PCDHA10: variants seen among roughly 807,000 people sequenced by gnomAD.
The protein encoded by PCDHA10 is protocadherin alpha 10.
PCDHA10 carries 45 observed loss-of-function variants against 61.2 expected under a neutral mutation model. That is an observed-to-expected ratio of 0.74 (90% CI 0.58 to 0.94). The LOEUF (loss-of-function observed/expected upper bound fraction) is 0.94, where lower values mean the gene tolerates loss of function less well. Ranked by LOEUF, PCDHA10 falls within the 40% of genes least tolerant of loss-of-function variation. The pLI is 0.00. For missense variants in PCDHA10, 1,278 were observed against 1,236.2 expected (o/e 1.03, Z -0.51); for synonymous variants, 602 against 548.8 (o/e 1.10, Z -1.35).
intron 3 of PCDHA10, among the ~76,000 whole-genome samples, chr5:141,001,563 C>A (rs531745574): frequency 6.6e-6 from 1 of 152,296 alleles, no homozygotes; most frequent in South Asian, 2.1e-4. Context: ...GACCACGATT[C>A]TCCTGTGTTT....
intron 1 of PCDHA10, among the ~76,000 whole-genome samples, chr5:140,917,197 C>T (rs928492760): frequency 2.6e-5 from 4 of 152,236 alleles, no homozygotes; most frequent in African/African-American, 7.2e-5. Flanking sequence ...TCTCTCCAAC[C>T]CTCTTCAATG....
intron 2 of PCDHA10, among the ~76,000 whole-genome samples, chr5:140,981,687 A>ATCATTCATTCAT (rs200213847): frequency 1.1e-4 from 17 of 151,972 alleles, no homozygotes; most frequent in African/African-American, 4.1e-4. Context: ...CCTCCCTTCC[A>ATCATTCATTCAT]TCATTCATTC....
chr5:140,930,766 T>C (rs1476506441), intron 1 of PCDHA10, among the ~76,000 whole-genome samples: 1 of 152,240 alleles, frequency 6.6e-6, no homozygotes, highest in Admixed American at 6.5e-5. Context: ...AAATTTTCTG[T>C]ACTTAATATT....
chr5:140,875,143 G>A (rs2055292608), intron 1 of PCDHA10, among the ~76,000 whole-genome samples: 1 of 152,174 alleles, frequency 6.6e-6, no homozygotes, highest in Non-Finnish European at 1.5e-5. Context: ...ATTTATAAAT[G>A]ATCCGTGAAA....
rs1486886568 is a variant in PCDHA10, at chr5:140,856,947, A to C, written c.899A>C (p.Glu300Ala). The change falls in exon 1 of 4, where the codon GAA becomes GCA. Residue 300 changes from glutamate to alanine, a missense_variant. Physicochemically the swap from Glu to Ala is moderately radical, Grantham distance 107. Transcript: ENST00000307360. ...RKFWINERTG[E>A]IKVNDAIDFE... ...TTTTGGATAAACGAAAGGACGGGAG[A>C]AATAAAAGTAAATGATGCTATTGAC... 1.3e-6 allele frequency: 2 copies of C among 1,592,142 alleles called. No individual in the cohort carries two copies. Among genetic ancestry groups the C allele is most frequent in the Non-Finnish European group, 1.7e-6 (2 of 1,162,346 alleles).
chr5:141,010,938 A>G lies in PCDHA10; in HGVS notation c.*1001A>G, dbSNP rs1210392691. ...TCAAAAGAGAATTCAGTCTACAGCC[A>G]TTTAAATGATCATTGCTGCTACAGA... On this transcript the variant is annotated 3_prime_UTR_variant, in exon 4 of 4. Coordinates refer to ENST00000307360, the MANE Select transcript of PCDHA10 (RefSeq NM_018901.4). 6 of 153,824 alleles carry G rather than the reference A, an allele frequency of 3.9e-5. No homozygotes were observed. Among genetic ancestry groups the G allele is most frequent in the African/African-American group, 1.4e-4 (6 of 41,470 alleles). The allele number at this position is 153,824 out of a possible 1,614,324, so 9.5% of individuals were successfully genotyped here. A position where few individuals can be genotyped will look rare whatever the true frequency, so the allele number is the denominator to read the frequency against.
chr5:140,999,144 G>A (rs2097848915), intron 3 of PCDHA10, among the ~76,000 whole-genome samples: 1 of 152,200 alleles, frequency 6.6e-6, no homozygotes, highest in Non-Finnish European at 1.5e-5. Context: ...ACAGCCGGAA[G>A]TCTTCAGTCC....
intron 1 of PCDHA10, among the ~76,000 whole-genome samples, chr5:140,871,887 G>T (rs1294459270): frequency 6.6e-6 from 1 of 152,170 alleles, no homozygotes; most frequent in Non-Finnish European, 1.5e-5. Flanking sequence ...GCTCCTCTTT[G>T]TCTTTTAGCA....
intron 1 of PCDHA10, among the ~76,000 whole-genome samples, chr5:140,946,570 C>G (rs1488950892): frequency 7.2e-6 from 1 of 138,492 alleles, no homozygotes; most frequent in Non-Finnish European, 1.5e-5. Context: ...ATAGAATCAA[C>G]TTAGGTGTTC....
rs114742019 is a variant in PCDHA10, at chr5:140,911,730, G to A, written c.2388+53294G>A. Among the ~76,000 whole-genome samples the A allele has an allele frequency of 8.1e-3, 1,236 of 152,190 alleles. 6 individuals carry two copies. The highest frequency in any genetic ancestry group is 0.019 in the African/African-American group (801 of 41,524). ...TTTTGTGTAACTCTGTAAACAGTTC[G>A]TGCCAAGGACTATCAGTGTTCTCCA... is the stretch of plus-strand genomic sequence containing the variant. On this transcript the variant is annotated intron_variant, in intron 1 of 3. Coordinates refer to ENST00000307360, the MANE Select transcript of PCDHA10 (RefSeq NM_018901.4).
chr5:140,878,006 C>T (rs251378), intron 1 of PCDHA10: 602,670 of 913,772 alleles, frequency 0.66, 200,442 homozygotes, highest in African/African-American at 0.71. Flanking sequence ...ATTTGTCTAA[C>T]ATTAATGAAG....
chr5:140,937,785 G>T (rs962276976), intron 1 of PCDHA10, among the ~76,000 whole-genome samples: 2 of 150,438 alleles, frequency 1.3e-5, no homozygotes, highest in African/African-American at 4.9e-5. Flanking sequence ...GGTGGCGGGC[G>T]TATGTAGTCC....
rs142720081 is a variant in PCDHA10, at chr5:141,009,771, T to G, written c.2681T>G (p.Ile894Ser). 1 of 1,614,082 alleles carries G rather than the reference T, an allele frequency of 6.2e-7. No individual in the cohort carries two copies. The change falls in exon 4 of 4, where the codon ATC becomes AGC. Residue 894 changes from isoleucine to serine, a missense_variant. Physicochemically the swap from Ile to Ser is moderately radical, Grantham distance 142. Transcript: ENST00000307360. ...DKFIIPGSPA[I>S]ISIRQEPTNS... ...TTCATTATCCCAGGATCTCCTGCAA[T>G]CATCTCCATCCGGCAGGAGCCTACT...
chr5:140,875,989 A>G (rs782628581), intron 1 of PCDHA10: 1 of 1,613,992 alleles, frequency 6.2e-7, no homozygotes, highest in South Asian at 1.1e-5. Flanking sequence ...CTATGCGTTA[A>G]GTCTAAATGA....
chr5:140,909,575 G>A (rs114329297), intron 1 of PCDHA10, among the ~76,000 whole-genome samples: 373 of 152,290 alleles, frequency 2.4e-3, no homozygotes, highest in African/African-American at 8.5e-3. Context: ...CCAGAGATGT[G>A]ATATGTTTTT....
intron 1 of PCDHA10, chr5:140,882,902 C>T (rs1554176043): frequency 6.2e-7 from 1 of 1,614,196 alleles, no homozygotes; most frequent in Admixed American, 1.7e-5. Flanking sequence ...TAGTTTATTA[C>T]TGACAGCCAG....
chr5:140,855,900 C>G lies in PCDHA10; in HGVS notation c.-149C>G. ...AGCTTTTTAGAACAAAGGCATCAGC[C>G]AGTTTCTCAAGGACTAGGAAGTAGC... On this transcript the variant is annotated 5_prime_UTR_variant, in exon 1 of 4. Coordinates refer to ENST00000307360, the MANE Select transcript of PCDHA10 (RefSeq NM_018901.4). 9.3e-7 allele frequency: 1 copy of G among 1,079,358 alleles called. No homozygotes were observed. The highest frequency in any genetic ancestry group is 1.3e-6 in the Non-Finnish European group (1 of 758,142). The allele number at this position is 1,079,358 out of a possible 1,614,324, so 66.9% of individuals were successfully genotyped here.
intron 1 of PCDHA10, among the ~76,000 whole-genome samples, chr5:140,920,866 A>G (rs1584205398): frequency 6.6e-6 from 1 of 151,760 alleles, no homozygotes; most frequent in African/African-American, 2.4e-5. Context: ...AAACAAACAA[A>G]CTGTGGCCCT....
chr5:140,928,569 G>A (rs2085338493), intron 1 of PCDHA10: 2 of 1,614,202 alleles, frequency 1.2e-6, no homozygotes, highest in Non-Finnish European at 1.7e-6. Flanking sequence ...TGTTTCCCTT[G>A]CCCAGAAATG....
Sources: allele counts gnomAD v4.1 joint callset (sites outside exome capture counted in the v4.1 genomes callset), GRCh38; gene constraint gnomAD v4.1.1; transcripts MANE v1.5; gene names NCBI Gene and HGNC (gene_info 2026-07-23, HGNC 2026-07-21).